The following TBCD variants were observed in gnomAD, a reference collection of about 807,000 sequenced individuals.
TBCD encodes tubulin folding cofactor D.
TBCD carries 105 observed loss-of-function variants against 169.3 expected under a neutral mutation model. That is an observed-to-expected ratio of 0.62 (90% confidence interval 0.53 to 0.73). TBCD has a LOEUF of 0.73. Among genes scored for constraint, TBCD ranks in the 30% least tolerant of loss-of-function variants. The pLI, the probability that TBCD is intolerant of heterozygous loss-of-function variation, is 0.00. For missense variants in TBCD, 1,444 were observed against 1,600.1 expected (o/e 0.90, Z 1.66); for synonymous variants, 700 against 643.9 (o/e 1.09, Z -1.32).
At chr17:82,828,401 C>T (rs1287719388) in intron 13 of TBCD, among the ~76,000 whole-genome samples, 4 of 147,958 alleles carry the variant, frequency 2.7e-5, no homozygotes, top group African/African-American at 5.0e-5. Flanking sequence ...CACACCCAAT[C>T]GAATGCACAC....
chr17:82,756,668 C>T (rs2459716), intron 2 of TBCD, among the ~76,000 whole-genome samples: 92,543 of 151,364 alleles, frequency 0.61, 28,268 homozygotes, highest in South Asian at 0.64. Context: ...TTAGTAGAGA[C>T]GGGGTTTCAC....
intron 1 of TBCD, among the ~76,000 whole-genome samples, chr17:82,753,946 C>T (rs2677920): frequency 2.8e-5 from 4 of 143,014 alleles, no homozygotes; most frequent in African/African-American, 8.3e-5. Flanking sequence ...CAGCTCACTG[C>T]AACCTCCACA....
At chr17:82,837,418 T>C (rs373407402) in intron 13 of TBCD, among the ~76,000 whole-genome samples, 147 of 152,332 alleles carry the variant, frequency 9.6e-4, no homozygotes, top group Middle Eastern at 6.8e-3. Flanking sequence ...TCTAGCTGTT[T>C]ACAGTAATTT....
intron 13 of TBCD, among the ~76,000 whole-genome samples, chr17:82,826,223 C>CTT (rs553261050): frequency 0.025 from 3,753 of 148,092 alleles, 167 homozygotes; most frequent in African/African-American, 0.087. Context: ...TGTTCATGAC[C>CTT]TTTTTTTTTT....
Position 82,937,607 on chromosome 17 carries a change from C to CG in TBCD, c.3281+250dup, listed in dbSNP as rs2062740997. 1.7e-5 allele frequency: 10 copies of CG among 602,886 alleles called. No individual in the cohort carries two copies. In the East Asian group the frequency reaches 2.8e-4, roughly 17 times the overall value. 37.3% of individuals were successfully genotyped at this position (602,886 alleles called of 1,614,324 possible). On this transcript the variant is annotated intron_variant, in intron 35 of 38. Coordinates refer to ENST00000355528, the MANE Select transcript of TBCD (RefSeq NM_005993.5). ...CTGCTGCCCTCGCGCTCTGCCCTGG[C>CG]GGGAGGGGAGGCTCCGGAAAGGAGC...
In TBCD at chr17:82,915,437, C is replaced by T. The variant is rs998534590; in HGVS notation, c.2038+3648C>T. On this transcript the variant is annotated intron_variant, in intron 23 of 38. Coordinates refer to ENST00000355528, the MANE Select transcript of TBCD (RefSeq NM_005993.5). This position sits in a 1 kb window ranked among gnomAD's most constrained non-coding sequence, Gnocchi z 4.3. ...ACATCCTGGATGTCCTCAGCGTGGC[C>T]TGAACTGAGCTGCTTCCCCCGGTGC... Among the ~76,000 whole-genome samples the T allele has an allele frequency of 4.6e-5, 7 of 152,108 alleles. No homozygotes were observed. The highest frequency in any genetic ancestry group is 1.0e-4 in the Non-Finnish European group (7 of 68,020).
chr17:82,850,519 TG>T (rs1474633102), intron 13 of TBCD, among the ~76,000 whole-genome samples: 28 of 94,284 alleles, frequency 3.0e-4, no homozygotes, highest in African/African-American at 7.2e-4. Context: ...GCTGTGCTGT[TG>T]TTGGCTGTGC....
intron 33 of TBCD, among the ~76,000 whole-genome samples, chr17:82,931,480 C>T (rs2062200410): frequency 6.6e-6 from 1 of 152,154 alleles, no homozygotes; most frequent in Non-Finnish European, 1.5e-5. Context: ...GGGCCGCGTG[C>T]CGGTCGCTCA....
chr17:82,914,622 G>A (rs545870755), intron 23 of TBCD, among the ~76,000 whole-genome samples: 342 of 152,292 alleles, frequency 2.2e-3, no homozygotes, highest in African/African-American at 7.3e-3. Flanking sequence ...TGCTGCCCAC[G>A]CCCTCCCTGG....
At position 82,920,954 on chromosome 17, in the gene TBCD, G is replaced by A. The variant is rs1043880399; in HGVS notation, c.2101+336G>A. 6.0e-6 allele frequency: 2 copies of A among 333,234 alleles called. No individual in the cohort carries two copies. Among genetic ancestry groups the A allele is most frequent in the Non-Finnish European group, 1.1e-5 (2 of 181,220 alleles). The allele number at this position is 333,234 out of a possible 1,614,324, so 20.6% of individuals were successfully genotyped here. On this transcript the variant is annotated intron_variant, in intron 24 of 38. Coordinates refer to ENST00000355528, the MANE Select transcript of TBCD (RefSeq NM_005993.5). This position sits in a 1 kb window ranked among gnomAD's most constrained non-coding sequence, Gnocchi z 4.1. ...ACCCAGGCCCTCGTGGACCAGGAGC[G>A]TGCCGGCCGCCGACACCACGGACCC...
chr17:82,804,719 G>C (rs912235142), intron 9 of TBCD, among the ~76,000 whole-genome samples: 1 of 152,226 alleles, frequency 6.6e-6, no homozygotes, highest in African/African-American at 2.4e-5. Flanking sequence ...CTGTTTGGAA[G>C]GTGGCAGCTC....
At chr17:82,939,873 C>T (rs373639779) in intron 37 of TBCD, among the ~76,000 whole-genome samples, 5 of 152,266 alleles carry the variant, frequency 3.3e-5, no homozygotes, top group Middle Eastern at 3.4e-3. Context: ...GAGGCACAGG[C>T]GGAAATAAGA....
intron 33 of TBCD, chr17:82,931,837 G>C: frequency 6.6e-6 from 1 of 152,304 alleles, no homozygotes; most frequent in Non-Finnish European, 1.5e-5. Flanking sequence ...CTCACACAGA[G>C]GCGAATGTCT....
intron 11 of TBCD, 53 bp downstream of exon 11, chr17:82,807,721 TGCGATTCAGCAGCTACAAATACCCAACA>T: frequency 3.0e-6 from 4 of 1,349,474 alleles, no homozygotes; most frequent in Non-Finnish European, 3.9e-6. Flanking sequence ...GCCTCTCCTG[TGCGATTCAGCAGCTACAAATACCCAACA>T]GCTTTGGAGT....
chr17:82,941,479 C>A lies in TBCD; in HGVS notation c.3560C>A (p.Pro1187His). 1.3e-6 allele frequency: 2 copies of A among 1,592,276 alleles called. No individual in the cohort carries two copies. The highest frequency in any genetic ancestry group is 1.7e-6 in the Non-Finnish European group (2 of 1,170,500). Residue 1187 changes from proline (P) to histidine (H), a missense_variant, in exon 38 of 39, where the codon CCC becomes CAC. Coordinates refer to ENST00000355528, the MANE Select transcript of TBCD (RefSeq NM_005993.5). ...GGCGTACCCAGGCCCCAGCTGGTGCCCCAGGTAACCCTGTCACCTTCACAG... is the reference window on the plus strand; with the variant it reads ...GGCGTACCCAGGCCCCAGCTGGTGCACCAGGTAACCCTGTCACCTTCACAG... ...LLGVPRPQLV[P>H]QPGAC
intron 13 of TBCD, chr17:82,860,312 G>A (rs1334074576): frequency 6.3e-6 from 6 of 956,044 alleles, no homozygotes; most frequent in South Asian, 9.8e-5. Context: ...GTCACGCTGC[G>A]CTGAGCGTCC....
At chr17:82,941,354 T>C (rs777180719) in intron 37 of TBCD, 45 bp from the exon 38 acceptor site, 1 of 1,522,994 alleles carries the variant, frequency 6.6e-7, no homozygotes, top group East Asian at 2.4e-5. Context: ...CCTGAGGTTC[T>C]CCGGTGGGCA....
intron 24 of TBCD, 96 bp from the exon 25 acceptor site, chr17:82,921,405 C>G (rs2061412061): frequency 1.0e-6 from 1 of 1,000,998 alleles, no homozygotes; most frequent in African/African-American, 1.6e-5. Context: ...TTACCATCGA[C>G]TTTAAGATTA....
At chr17:82,847,933 G>A (rs1264669172) in intron 13 of TBCD, among the ~76,000 whole-genome samples, 4 of 152,304 alleles carry the variant, frequency 2.6e-5, no homozygotes, top group South Asian at 4.2e-4. Context: ...CCGGGCCCAC[G>A]ATTTGAATTT....
Sources: allele counts gnomAD v4.1 joint callset (sites outside exome capture counted in the v4.1 genomes callset), GRCh38; gene constraint gnomAD v4.1.1; non-coding constraint Gnocchi (gnomAD v3.1); transcripts MANE v1.5; gene names NCBI Gene and HGNC (gene_info 2026-07-23, HGNC 2026-07-21).